The following PIDD1 variants were observed in gnomAD, a reference collection of about 807,000 sequenced individuals.
The protein encoded by PIDD1 is p53-induced death domain-containing protein 1.
Under a neutral mutation model 80.0 loss-of-function variants are expected in PIDD1, and 72 were observed. The ratio of observed to expected loss-of-function variants is 0.90; its 90% confidence interval spans 0.74 to 1.09. The LOEUF is 1.09. PIDD1 is among the 50% of genes least tolerant of loss of function. PIDD1 has a pLI of 0.00. For synonymous variants in PIDD1, 655 were observed against 543.5 expected, an observed-to-expected ratio of 1.21 and a Z score of -2.85; for missense variants, 1,329 against 1,228.3, an observed-to-expected ratio of 1.08 and a Z score of -1.23.
chr11:801,065 G>A lies in PIDD1; in HGVS notation c.1686C>T (p.Ala562=), dbSNP rs1283193682. ...CCTGAGCTGTGATGTCATCCCAGGT[G>A]GCTGCAGGAGGGGCCCAGTACAACA... ...LHLLYWAPPA[A]TWDDITAQVV... Residue 562 remains alanine, a synonymous_variant, in exon 10 of 16, where the codon GCC becomes GCT. Transcript: ENST00000347755. 7 of 1,598,498 alleles carry A rather than the reference G, an allele frequency of 4.4e-6. No homozygotes were observed. The highest frequency in any genetic ancestry group is 6.0e-6 in the Non-Finnish European group (7 of 1,172,428).
At position 805,219 on chromosome 11, in the gene PIDD1, G is replaced by T. The variant is rs992636908; in HGVS notation, c.-116C>A. The T allele has an allele frequency of 4.1e-6, 4 of 983,428 alleles. No homozygotes were observed. The highest frequency in any genetic ancestry group is 2.3e-4 in the East Asian group (2 of 8,802). The allele number at this position is 983,428 out of a possible 1,614,324, so 60.9% of individuals were successfully genotyped here. On this transcript the variant is annotated 5_prime_UTR_variant, in exon 1 of 16. Coordinates refer to ENST00000347755, the MANE Select transcript of PIDD1 (RefSeq NM_145886.4). ...CGCGCAAAGGGTGGCTGCTCAGCGG[G>T]CGCTCGGCGCCTGGGATCCCGCCGG...
chr11:802,635 A>T lies in PIDD1; in HGVS notation c.920-38T>A, dbSNP rs770161033. The T allele has an allele frequency of 1.4e-5, 23 of 1,606,816 alleles. No individual in the cohort carries two copies. The East Asian group carries it at 4.2e-4, about 30-fold the overall frequency. On this transcript the variant is annotated intron_variant, in intron 4 of 15. Transcript: ENST00000347755. The stretch of plus-strand genomic sequence containing the variant: ...CAGACATGTGCTCAGGACAGTGAGG[A>T]GACTCATGTCCTATCCCAGGTCTGC...
At position 799,364 on chromosome 11, in the gene PIDD1, C is replaced by T; in HGVS notation, c.2676G>A (p.Lys892=). The T allele has an allele frequency of 1.2e-6, 2 of 1,611,464 alleles. No homozygotes were observed. Among genetic ancestry groups the T allele is most frequent in the Non-Finnish European group, 1.7e-6 (2 of 1,179,768 alleles). Residue 892 remains lysine, a synonymous_variant, in exon 16 of 16, where the codon AAG becomes AAA. Transcript: ENST00000347755. ...CCGAGGAGCCAGGCAGAGCGGGGTC[C>T]TTGGGGGCCAAGCCCATGCGTCGGA... ...DSIRRMGLAP[K]DPALPGSSAP...
rs776246580 is a variant in PIDD1 at position 800,008 on chromosome 11, G to A, written c.2281C>T (p.Arg761Ter). The A allele has an allele frequency of 3.2e-5, 51 of 1,612,528 alleles. No individual in the cohort carries two copies. Among genetic ancestry groups the A allele is most frequent in the Non-Finnish European group, 3.6e-5 (42 of 1,179,822 alleles). Reference sequence around the variant, plus strand: ...CCCCGCCGTGGCCCCTCGGACCCTCGAAGTCTCTGTTGGAAGGAAAAAGTG... The same window carrying A: ...CCCCGCCGTGGCCCCTCGGACCCTCAAAGTCTCTGTTGGAAGGAAAAAGTG... ...ATLPIKLPRLRGSEGPRRGAG... is the reference protein window; with the variant it reads ...ATLPIKLPRL The change falls in exon 15 of 16, where the codon CGA (arginine) becomes TGA (stop). Residue 761 changes from arginine (R) to a stop codon, truncating the protein, a stop_gained. Coordinates refer to ENST00000347755, the MANE Select transcript of PIDD1 (RefSeq NM_145886.4). LOFTEE classifies it high-confidence loss of function.
rs764945740 is a variant in PIDD1, at chr11:802,381, AG to A, written c.989del (p.Pro330LeufsTer6). On this transcript the variant is annotated frameshift_variant, in exon 6 of 16. Transcript: ENST00000347755. LOFTEE classifies it high-confidence loss of function. ...TSDLDSFPVTPQGCSVTLACG... is the reference protein window; with the variant it reads ...TSDLDSFPVTXQGCSVTLACG... The stretch of plus-strand genomic sequence containing the variant: ...AGGCCAGGGTCACTGAGCAGCCTTG[AG>A]GGGTCACAGGAAAGCTGAGTGAGGA... The A allele has an allele frequency of 1.2e-6, 2 of 1,611,850 alleles. No homozygotes were observed. Among genetic ancestry groups the A allele is most frequent in the African/African-American group, 2.7e-5 (2 of 74,882 alleles).
chr11:799,409 G>T lies in PIDD1; in HGVS notation c.2631C>A (p.Arg877=), dbSNP rs978249270. 6.2e-7 allele frequency: 1 copy of T among 1,611,644 alleles called. No individual in the cohort carries two copies. Among genetic ancestry groups the T allele is most frequent in the Non-Finnish European group, 8.5e-7 (1 of 1,179,890 alleles). ...GTCGGATGCTGTCCTGGTACTTGCG[G>T]CGGCCGAGCTCCAAGACTGCGCGCA... The part of the protein sequence containing the change: ...EEVRAVLELG[R]RKYQDSIRRM... Residue 877 remains arginine, a synonymous_variant, in exon 16 of 16, where the codon CGC becomes CGA. Coordinates refer to ENST00000347755, the MANE Select transcript of PIDD1 (RefSeq NM_145886.4).
Position 802,729 on chromosome 11 carries a change from T to G in PIDD1, c.872A>C (p.Gln291Pro). ...ELLDAPFVRLQGNPLGEASPD... is the reference protein window; with the variant it reads ...ELLDAPFVRLPGNPLGEASPD... Reference sequence around the variant, plus strand: ...CGAGGCCTCACCCAGGGGGTTCCCCTGCAGGCGCACAAAGGGGGCGTCTAG... The same window carrying G: ...CGAGGCCTCACCCAGGGGGTTCCCCGGCAGGCGCACAAAGGGGGCGTCTAG... Residue 291 changes from glutamine to proline, a missense_variant, in exon 4 of 16, where the codon CAG becomes CCG. Transcript: ENST00000347755. 6.2e-7 allele frequency: 1 copy of G among 1,611,878 alleles called. No individual in the cohort carries two copies. Among genetic ancestry groups the G allele is most frequent in the Non-Finnish European group, 8.5e-7 (1 of 1,179,478 alleles).
At position 799,433 on chromosome 11, in the gene PIDD1, C is replaced by T; in HGVS notation, c.2607G>A (p.Val869=). The T allele has an allele frequency of 2.5e-6, 4 of 1,611,208 alleles. No homozygotes were observed. The highest frequency in any genetic ancestry group is 2.5e-6 in the Non-Finnish European group (3 of 1,179,890). The change falls in exon 16 of 16, where the codon GTG becomes GTA. Residue 869 remains valine, a synonymous_variant. Coordinates refer to ENST00000347755, the MANE Select transcript of PIDD1 (RefSeq NM_145886.4). The part of the protein sequence containing the change: ...QSDRQDVAEE[V]RAVLELGRRK... Reference sequence around the variant, plus strand: ...GGCGGCCGAGCTCCAAGACTGCGCGCACCTCTTCAGCCACGTCCTGCCGGT... The same window carrying T: ...GGCGGCCGAGCTCCAAGACTGCGCGTACCTCTTCAGCCACGTCCTGCCGGT...
rs372549417 is a variant in PIDD1 at position 800,956 on chromosome 11, G to C, written c.1766+29C>G. 5 of 1,591,300 alleles carry C rather than the reference G, an allele frequency of 3.1e-6. No homozygotes were observed. In the East Asian group the frequency reaches 6.8e-5, roughly 22 times the overall value. ...AGGAGGGCTGTACAGACTGGGGGAG[G>C]GGGGCTGAGAAAGCTGGGGGGCACT... On this transcript the variant is annotated intron_variant, in intron 10 of 15. Coordinates refer to ENST00000347755, the MANE Select transcript of PIDD1 (RefSeq NM_145886.4).
At chr11:806,212 G>C (rs555825983), upstream of PIDD1, 1 of 152,168 alleles carries the variant, frequency 6.6e-6, no homozygotes, top group Non-Finnish European at 1.5e-5. Context: ...TGATACCCCC[G>C]AGCGGGCCTG....
intron 2 of PIDD1, 58 bp downstream of exon 2, chr11:804,036 C>A (rs1565068501): frequency 6.6e-7 from 1 of 1,522,030 alleles, no homozygotes; most frequent in East Asian, 2.3e-5. Flanking sequence ...TGAGAACATG[C>A]AGCAGAGGCA....
rs1414021390 is a variant in PIDD1 at position 802,209 on chromosome 11, C to T, written c.1162G>A (p.Val388Met). ...CCTGTCCATGCCTGCTGGAAGGCCA[C>T]CCCATGGGGCTGCAGCTCCAGCACA... ...SHVLELQPHGVAFQQDVGLWL... is the reference protein window; with the variant it reads ...SHVLELQPHGMAFQQDVGLWL... Residue 388 changes from valine (V) to methionine (M), a missense_variant, in exon 6 of 16, where the codon GTG becomes ATG. Transcript: ENST00000347755. The T allele has an allele frequency of 1.9e-6, 3 of 1,607,234 alleles. No homozygotes were observed. Among genetic ancestry groups the T allele is most frequent in the East Asian group, 4.5e-5 (2 of 44,696 alleles).
At chr11:801,887 G>A in intron 7 of PIDD1, 78 bp downstream of exon 7, 1 of 1,550,048 alleles carries the variant, frequency 6.5e-7, no homozygotes, top group South Asian at 1.2e-5. Context: ...AAGGTGCCAG[G>A]GTGAGGCTCT....
In PIDD1 at chr11:800,586, T is replaced by C; in HGVS notation, c.1998A>G (p.Glu666=). Residue 666 remains glutamate, a synonymous_variant, in exon 12 of 16, where the codon GAA becomes GAG. Transcript: ENST00000347755. ...PSDTVEMFEG[E]EFFAAFERGI... ...CGCGCTCGAAGGCCGCAAAGAACTCTTCGCCCTCGAACATCTCCACCGTGT... is the reference window on the plus strand; with the variant it reads ...CGCGCTCGAAGGCCGCAAAGAACTCCTCGCCCTCGAACATCTCCACCGTGT... 5.7e-6 allele frequency: 9 copies of C among 1,582,708 alleles called. No individual in the cohort carries two copies. The highest frequency in any genetic ancestry group is 7.7e-6 in the Non-Finnish European group (9 of 1,163,750).
intron 2 of PIDD1, 65 bp downstream of exon 2, chr11:804,029 G>A: frequency 1.3e-6 from 2 of 1,511,134 alleles, no homozygotes; most frequent in Admixed American, 2.1e-5. Flanking sequence ...TTGCCTTTGA[G>A]AACATGCAGC....
rs1435404039 is a variant in PIDD1, at chr11:801,549, G to A, written c.1378C>T (p.Leu460=). The A allele has an allele frequency of 3.2e-6, 5 of 1,568,312 alleles. No individual in the cohort carries two copies. Among genetic ancestry groups the A allele is most frequent in the Non-Finnish European group, 4.3e-6 (5 of 1,156,624 alleles). ...VVSRPVSNAC[L]VPPEGTLLCS... ...AGCAGTGTCCCCTCCGGTGGCACCA[G>A]GCAGGCATTGGACACAGGGCGGGAA... Residue 460 remains leucine, a synonymous_variant, in exon 8 of 16, where the codon CTG becomes TTG. Transcript: ENST00000347755.
chr11:800,144 G>A lies in PIDD1; in HGVS notation c.2261C>T (p.Pro754Leu). 6.2e-7 allele frequency: 1 copy of A among 1,610,188 alleles called. No homozygotes were observed. The highest frequency in any genetic ancestry group is 1.1e-5 in the South Asian group (1 of 90,828). The change falls in exon 14 of 16, where the codon CCC (proline) becomes CTC (leucine). Residue 754 changes from proline (P) to leucine (L), a missense_variant. Pro to Leu is a moderately conservative substitution (Grantham distance 98). Coordinates refer to ENST00000347755, the MANE Select transcript of PIDD1 (RefSeq NM_145886.4). ...GADALWMATLPIKLPRLRGSE... is the reference protein window; with the variant it reads ...GADALWMATLLIKLPRLRGSE... ...CCTCAGTCCCACCGGCAGCTTGATG[G>A]GCAGAGTGGCCATCCACAGGGCGTC...
At chr11:806,608 A>C (rs1300544175), upstream of PIDD1, among the ~76,000 whole-genome samples, 1 of 144,016 alleles carries the variant, frequency 6.9e-6, no homozygotes, top group Admixed American at 7.0e-5. Context: ...TTTGAGATGG[A>C]GTCTGGCTGT....
chr11:807,851 A>G (rs1475657042), upstream of PIDD1, among the ~76,000 whole-genome samples: 2 of 152,218 alleles, frequency 1.3e-5, no homozygotes, highest in Non-Finnish European at 2.9e-5. Context: ...ACTTGAATCT[A>G]TGTTCCCAGG....
Sources: allele counts gnomAD v4.1 joint callset (sites outside exome capture counted in the v4.1 genomes callset), GRCh38; gene constraint gnomAD v4.1.1; transcripts MANE v1.5; gene names NCBI Gene and HGNC (gene_info 2026-07-23, HGNC 2026-07-21).